The following IGFALS variants were observed in gnomAD, a reference collection of about 807,000 sequenced individuals.
IGFALS encodes the protein insulin like growth factor binding protein acid labile subunit, also known as insulin-like growth factor-binding protein complex acid labile subunit.
A neutral mutation model predicts 2.6 loss-of-function variants in IGFALS; 2 were observed. The ratio of observed to expected loss-of-function variants is 0.77; its 90% CI spans 0.32 to 2.44. IGFALS has a LOEUF of 2.44. IGFALS is among the 30% of genes most tolerant of loss of function. IGFALS has a pLI of 0.11. For synonymous variants in IGFALS, 519 were observed against 431.9 expected (o/e 1.20, Z -2.50); for missense variants, 996 against 848.7 (o/e 1.17, Z -2.16).
Position 1,791,979 on chromosome 16 carries a change from CG to C in IGFALS, c.438del (p.Ala147ArgfsTer12). ...SLALGTFAHT[P>X]ALASLGLSNN... ...TTGCTGAGGCCGAGCGAGGCCAGCG[CG>C]GGCGTGTGTGCAAACGTGCCGAGTG... On this transcript the variant is annotated frameshift_variant, in exon 2 of 2. Transcript: ENST00000215539. LOFTEE classifies it low-confidence loss of function (END_TRUNC). 1 of 1,604,872 alleles carries C rather than the reference CG, an allele frequency of 6.2e-7. No homozygotes were observed. Among genetic ancestry groups the C allele is most frequent in the Non-Finnish European group, 8.5e-7 (1 of 1,177,448 alleles).
rs1289823162 is a variant in IGFALS at position 1,791,623 on chromosome 16, C to G, written c.795G>C (p.Leu265=). 1 of 1,572,704 alleles carries G rather than the reference C, an allele frequency of 6.4e-7. No individual in the cohort carries two copies. The highest frequency in any genetic ancestry group is 2.4e-5 in the East Asian group (1 of 42,346). The change falls in exon 2 of 2, where the codon CTG becomes CTC. Residue 265 remains leucine, a synonymous_variant. Transcript: ENST00000215539. ...AAVAPGAFLG[L]KALRWLDLSH... ...ACAGGTCCAGCCATCGCAGCGCCTT[C>G]AGGCCCAGGAAGGCGCCCGGGGCCA...
intron 1 of IGFALS, 74 bp downstream of exon 1, chr16:1,793,563 G>T: frequency 6.9e-7 from 1 of 1,453,960 alleles, no homozygotes; most frequent in Non-Finnish European, 9.4e-7. Context: ...GGCTACCCCG[G>T]CCTCTCCCCA....
chr16:1,793,312 A>G (rs560559850), intron 1 of IGFALS, among the ~76,000 whole-genome samples: 11 of 152,150 alleles, frequency 7.2e-5, no homozygotes, highest in Admixed American at 6.5e-4. Flanking sequence ...GGCCGGGCCC[A>G]CAACGCGGGC....
Position 1,791,893 on chromosome 16 carries a change from G to T in IGFALS, c.525C>A (p.Leu175=). The stretch of plus-strand genomic sequence containing the variant: ...CCGCCAGGCTATTCCAGCCGAGGTT[G>T]AGGTCCCAGAGGCTGCCGAGGCCCT... ...LFEGLGSLWD[L]NLGWNSLAVL... is the part of the protein sequence containing the mutation. Residue 175 remains leucine (L), a synonymous_variant, in exon 2 of 2, where the codon CTC becomes CTA. Transcript: ENST00000215539. The T allele has an allele frequency of 6.4e-7, 1 of 1,571,082 alleles. No homozygotes were observed. The highest frequency in any genetic ancestry group is 8.6e-7 in the Non-Finnish European group (1 of 1,159,274).
Position 1,791,772 on chromosome 16 carries a change from C to A in IGFALS, c.646G>T (p.Gly216Cys). 6.5e-7 allele frequency: 1 copy of A among 1,548,356 alleles called. No homozygotes were observed. Among genetic ancestry groups the A allele is most frequent in the Non-Finnish European group, 8.7e-7 (1 of 1,150,500 alleles). The change falls in exon 2 of 2, where the codon GGC becomes TGC. Residue 216 changes from glycine (G) to cysteine (C), a missense_variant. By Grantham distance (159) the Gly-to-Cys change is radical. Transcript: ENST00000215539. ...TCCAGCTCCCGGAGCTCGGCCAGGC[C>A]GCTGAAGAGCGCGGGCTGCAGGTAG... ...LAYLQPALFS[G>C]LAELRELDLS...
chr16:1,792,480 G>A (rs750441765), intron 1 of IGFALS, 79 bp from the exon 2 acceptor site: 15 of 1,458,356 alleles, frequency 1.0e-5, no homozygotes, highest in African/African-American at 8.5e-5. Context: ...AGCCGGAAGC[G>A]GCGCTCAGGT....
Position 1,791,079 on chromosome 16 carries a change from T to G in IGFALS, c.1339A>C (p.Thr447Pro). 1.3e-6 allele frequency: 2 copies of G among 1,599,072 alleles called. No individual in the cohort carries two copies. The highest frequency in any genetic ancestry group is 1.7e-6 in the Non-Finnish European group (2 of 1,179,642). Residue 447 changes from threonine (T) to proline (P), a missense_variant, in exon 2 of 2, where the codon ACG becomes CCG. By Grantham distance (38) the Thr-to-Pro change is conservative. Coordinates refer to ENST00000215539, the MANE Select transcript of IGFALS (RefSeq NM_004970.3). ...TGGAAGAGGCGGTGGGGCAGGTGCG[T>G]GAGCTGGTTGGAGGTCAGGTCGAGC... is the stretch of plus-strand genomic sequence containing the variant. ...LELDLTSNQLTHLPHRLFQGL... is the reference protein window; with the variant it reads ...LELDLTSNQLPHLPHRLFQGL...
chr16:1,794,199 C>T (rs1176293023), upstream of IGFALS, among the ~76,000 whole-genome samples: 1 of 152,176 alleles, frequency 6.6e-6, no homozygotes, highest in African/African-American at 2.4e-5. Context: ...TCCCTACAGC[C>T]TGGGTGGGAG....
chr16:1,791,540 C>T lies in IGFALS; in HGVS notation c.878G>A (p.Arg293His), dbSNP rs763212867. ...EDTFPGLLGL[R>H]VLRLSHNAIA... ...GGCGTTGTGGGACAGCCGCAGCACA[C>T]GCAGGCCCAGCAGACCGGGGAACGT... Residue 293 changes from arginine to histidine, a missense_variant, in exon 2 of 2, where the codon CGT (arginine) becomes CAT (histidine). Coordinates refer to ENST00000215539, the MANE Select transcript of IGFALS (RefSeq NM_004970.3). 3.2e-6 allele frequency: 5 copies of T among 1,584,628 alleles called. No homozygotes were observed. The highest frequency in any genetic ancestry group is 3.4e-6 in the Non-Finnish European group (4 of 1,166,980).
chr16:1,792,351 G>A lies in IGFALS; in HGVS notation c.67C>T (p.Arg23Cys), dbSNP rs1194163120. 46 of 1,590,146 alleles carry A rather than the reference G, an allele frequency of 2.9e-5. No homozygotes were observed. Among genetic ancestry groups the A allele is most frequent in the Non-Finnish European group, 3.6e-5 (42 of 1,173,760 alleles). ...CCGGGGTCTGCTCCCTCCAGGCTGCGGGGGCCCAGTGCCACCCAGGACAGC... is the reference window on the plus strand; with the variant it reads ...CCGGGGTCTGCTCCCTCCAGGCTGCAGGGGCCCAGTGCCACCCAGGACAGC... ...LLLSWVALGPRSLEGADPGTP... is the reference protein window; with the variant it reads ...LLLSWVALGPCSLEGADPGTP... Residue 23 changes from arginine (R) to cysteine (C), a missense_variant, in exon 2 of 2, where the codon CGC (arginine) becomes TGC (cysteine). Transcript: ENST00000215539.
intron 1 of IGFALS, among the ~76,000 whole-genome samples, chr16:1,793,007 A>G (rs920852739): frequency 1.3e-5 from 2 of 152,176 alleles, no homozygotes; most frequent in Non-Finnish European, 2.9e-5. Flanking sequence ...GTCGGCCACC[A>G]AAGCTCACAT....
Position 1,792,035 on chromosome 16 carries a change from T to C in IGFALS, c.383A>G (p.His128Arg), listed in dbSNP as rs778665403. 30 of 1,610,646 alleles carry C rather than the reference T, an allele frequency of 1.9e-5. No homozygotes were observed. The highest frequency in any genetic ancestry group is 1.8e-4 in the Admixed American group (11 of 59,892). ...LLGLENLCHLHLERNQLRSLA... is the reference protein window; with the variant it reads ...LLGLENLCHLRLERNQLRSLA... ...GCTGCGCAGCTGGTTCCGCTCCAGG[T>C]GCAGGTGGCACAGGTTCTCTAGGCC... The change falls in exon 2 of 2, where the codon CAC (histidine) becomes CGC (arginine). Residue 128 changes from histidine (H) to arginine (R), a missense_variant. Physicochemically the swap from His to Arg is conservative, Grantham distance 29. Coordinates refer to ENST00000215539, the MANE Select transcript of IGFALS (RefSeq NM_004970.3).
At position 1,790,414 on chromosome 16, in the gene IGFALS, T is replaced by C. The variant is rs1567239983; in HGVS notation, c.*186A>G. Reference sequence around the variant, plus strand: ...GTTCGCAGTCACCCACTGTGCCTGTTAGATTCGATTGCCTTTGCCTTTAAT... The same window carrying C: ...GTTCGCAGTCACCCACTGTGCCTGTCAGATTCGATTGCCTTTGCCTTTAAT... On this transcript the variant is annotated 3_prime_UTR_variant, in exon 2 of 2. Coordinates refer to ENST00000215539, the MANE Select transcript of IGFALS (RefSeq NM_004970.3). 1 of 656,416 alleles carries C rather than the reference T, an allele frequency of 1.5e-6. No individual in the cohort carries two copies. Among genetic ancestry groups the C allele is most frequent in the Non-Finnish European group, 2.8e-6 (1 of 359,940 alleles). The allele number at this position is 656,416 out of a possible 1,614,324, so 40.7% of individuals were successfully genotyped here. A position where few individuals can be genotyped will look rare whatever the true frequency, so the allele number is the denominator to read the frequency against.
Position 1,790,569 on chromosome 16 carries a change from C to CTGAGTCCGGGGCT in IGFALS, c.*18_*30dup. The CTGAGTCCGGGGCT allele has an allele frequency of 1.9e-6, 3 of 1,538,544 alleles. No homozygotes were observed. The highest frequency in any genetic ancestry group is 2.6e-6 in the Non-Finnish European group (3 of 1,136,052). On this transcript the variant is annotated 3_prime_UTR_variant, in exon 2 of 2. Transcript: ENST00000215539. The stretch of plus-strand genomic sequence containing the variant: ...AGCACAAGGTGAGCCAGGTGGGGGC[C>CTGAGTCCGGGGCT]TGAGTCCGGGGCTTGAGTCCGGGGA...
At position 1,791,104 on chromosome 16, in the gene IGFALS, C is replaced by A; in HGVS notation, c.1314G>T (p.Glu438Asp). The change falls in exon 2 of 2, where the codon GAG becomes GAT. Residue 438 changes from glutamate (E) to aspartate (D), a missense_variant. Transcript: ENST00000215539. ...QSLWGLAELL[E>D]LDLTSNQLTH... ...TGAGCTGGTTGGAGGTCAGGTCGAG[C>A]TCCAGCAGCTCCGCCAGCCCCCACA... The A allele has an allele frequency of 6.2e-7, 1 of 1,601,036 alleles. No individual in the cohort carries two copies. Among genetic ancestry groups the A allele is most frequent in the Non-Finnish European group, 8.5e-7 (1 of 1,179,576 alleles).
Position 1,790,971 on chromosome 16 carries a change from G to A in IGFALS, c.1447C>T (p.Arg483Trp), listed in dbSNP as rs940549283. 11 of 1,596,740 alleles carry A rather than the reference G, an allele frequency of 6.9e-6. No homozygotes were observed. Among genetic ancestry groups the A allele is most frequent in the South Asian group, 2.2e-5 (2 of 90,796 alleles). ...LPADALGPLQ[R>W]AFWLDVSHNR... ...TGCGAGACGTCCAGCCAGAAGGCCCGCTGCAGGGGGCCCAGGGCGTCCGCC... is the reference window on the plus strand; with the variant it reads ...TGCGAGACGTCCAGCCAGAAGGCCCACTGCAGGGGGCCCAGGGCGTCCGCC... Residue 483 changes from arginine to tryptophan, a missense_variant, in exon 2 of 2, where the codon CGG becomes TGG. Coordinates refer to ENST00000215539, the MANE Select transcript of IGFALS (RefSeq NM_004970.3).
At position 1,793,640 on chromosome 16, in the gene IGFALS, TC is replaced by T. The variant is rs1567243088; in HGVS notation, c.12del (p.Gly6GlufsTer116). ...GCGGGGCACTCGGGGGCCTCACCTTTCCTCAGGGCCATCCTGCATGCAGGGC... is the reference window on the plus strand; with the variant it reads ...GCGGGGCACTCGGGGGCCTCACCTTTCTCAGGGCCATCCTGCATGCAGGGC... The part of the protein sequence containing the change: MAL[R>X]KGGLALALLL... On this transcript the variant is annotated frameshift_variant, in exon 1 of 2. Coordinates refer to ENST00000215539, the MANE Select transcript of IGFALS (RefSeq NM_004970.3). LOFTEE classifies it low-confidence loss of function (END_TRUNC). 6.3e-7 allele frequency: 1 copy of T among 1,596,592 alleles called. No homozygotes were observed. The highest frequency in any genetic ancestry group is 2.3e-5 in the East Asian group (1 of 44,150).
At chr16:1,793,306 G>A (rs976503069) in intron 1 of IGFALS, among the ~76,000 whole-genome samples, 1 of 152,052 alleles carries the variant, frequency 6.6e-6, no homozygotes, top group Admixed American at 6.5e-5. Context: ...TGCCTGGGCC[G>A]GGCCCACAAC....
intron 1 of IGFALS, among the ~76,000 whole-genome samples, 157 bp downstream of exon 1, chr16:1,793,480 C>T (rs761342132): frequency 6.6e-6 from 1 of 152,124 alleles, no homozygotes; most frequent in Non-Finnish European, 1.5e-5. Flanking sequence ...CCCCAGCAGC[C>T]GCATTTCCGA....
Sources: allele counts gnomAD v4.1 joint callset (sites outside exome capture counted in the v4.1 genomes callset), GRCh38; gene constraint gnomAD v4.1.1; transcripts MANE v1.5; gene names NCBI Gene and HGNC (gene_info 2026-07-23, HGNC 2026-07-21).